Variants in CORIN observed in about 807,000 individuals in gnomAD.
CORIN encodes corin, serine peptidase.
In CORIN, 117 loss-of-function variants were observed where a neutral mutation model predicts 125.3. The observed-to-expected ratio is 0.93, with a 90% CI of 0.80 to 1.09. The LOEUF (loss-of-function observed/expected upper bound fraction) is 1.09, where lower values mean the gene tolerates loss of function less well. Ranked by LOEUF, CORIN falls within the 50% of genes least tolerant of loss-of-function variation. The pLI is 0.00. For synonymous variants in CORIN, 450 were observed against 466.4 expected (o/e 0.96, Z 0.45); for missense variants, 1,253 against 1,306.7 (o/e 0.96, Z 0.63).
chr4:47,613,095 C>T (rs963764846), intron 19 of CORIN, among the ~76,000 whole-genome samples: 7 of 152,118 alleles, frequency 4.6e-5, no homozygotes, highest in African/African-American at 1.4e-4. Flanking sequence ...CTGATACTAC[C>T]ATCACAAATA....
At chr4:47,810,248 C>T (rs1261181588) in intron 1 of CORIN, among the ~76,000 whole-genome samples, 1 of 152,028 alleles carries the variant, frequency 6.6e-6, no homozygotes, top group Non-Finnish European at 1.5e-5. Context: ...AGTGCAGTGG[C>T]ATGATCTCGG....
intron 19 of CORIN, among the ~76,000 whole-genome samples, 166 bp from the exon 20 acceptor site, chr4:47,603,834 CAAGT>C (rs1220641241): frequency 2.0e-5 from 3 of 152,144 alleles, no homozygotes; most frequent in Non-Finnish European, 1.5e-5. Context: ...GAGTGATTAG[CAAGT>C]AAGTATTATT....
intron 10 of CORIN, among the ~76,000 whole-genome samples, chr4:47,672,649 C>A (rs114348646): frequency 6.6e-6 from 1 of 151,860 alleles, no homozygotes; most frequent in African/African-American, 2.4e-5. Context: ...TATATACACA[C>A]ATATATACAC....
At chr4:47,724,210 T>C (rs1727485548) in intron 5 of CORIN, among the ~76,000 whole-genome samples, 1 of 151,988 alleles carries the variant, frequency 6.6e-6, no homozygotes, top group Admixed American at 6.6e-5. Context: ...ATAGCAGCTA[T>C]GGAAGCTCAG....
intron 19 of CORIN, among the ~76,000 whole-genome samples, chr4:47,613,315 T>C (rs1262039170): frequency 2.0e-5 from 3 of 152,082 alleles, no homozygotes; most frequent in Non-Finnish European, 4.4e-5. Context: ...TAGCCGAGTG[T>C]GGTGGCACGT....
At position 47,656,452 on chromosome 4, in the gene CORIN, G is replaced by A. The variant is rs150839279; in HGVS notation, c.1736-2792C>T. Among the ~76,000 whole-genome samples the A allele has an allele frequency of 3.0e-4, 46 of 152,152 alleles. No individual in the cohort carries two copies. In the East Asian group the frequency reaches 6.9e-3, roughly 23 times the overall value. ...AAGACAGGCATGAGCCACCGCTCCC[G>A]GTGACCATTTAGGATTTACAGGAGT... On this transcript the variant is annotated intron_variant, in intron 12 of 21. Transcript: ENST00000273857.
intron 19 of CORIN, among the ~76,000 whole-genome samples, chr4:47,612,405 G>A (rs1721905021): frequency 6.6e-6 from 1 of 152,258 alleles, no homozygotes; most frequent in African/African-American, 2.4e-5. Context: ...AGTATCTGTG[G>A]TTTTAAATGC....
intron 5 of CORIN, among the ~76,000 whole-genome samples, chr4:47,709,782 G>A (rs1261255323): frequency 6.6e-6 from 1 of 151,698 alleles, no homozygotes; most frequent in African/African-American, 2.4e-5. Context: ...ATTCTGAATA[G>A]CTGTAAATGG....
chr4:47,785,252 G>A (rs1432971756), intron 3 of CORIN, among the ~76,000 whole-genome samples: 1 of 152,088 alleles, frequency 6.6e-6, no homozygotes, highest in Non-Finnish European at 1.5e-5. Flanking sequence ...TATTAGCATT[G>A]GTTGTATCAC....
At chr4:47,739,837 A>G (rs1410810801) in intron 5 of CORIN, among the ~76,000 whole-genome samples, 2 of 151,920 alleles carry the variant, frequency 1.3e-5, no homozygotes, top group African/African-American at 2.4e-5. Flanking sequence ...CAAAGTGTAG[A>G]TATTGTTGAA....
chr4:47,693,184 A>T, intron 5 of CORIN, 101 bp from the exon 6 acceptor site: 1 of 784,594 alleles, frequency 1.3e-6, no homozygotes, highest in Non-Finnish European at 2.1e-6. Context: ...TTGCTATTCA[A>T]CAGATTTGTT....
chr4:47,726,369 A>C (rs1166483358), intron 5 of CORIN, among the ~76,000 whole-genome samples: 2 of 152,130 alleles, frequency 1.3e-5, no homozygotes, highest in Non-Finnish European at 1.5e-5. Flanking sequence ...ACTAGTAAGC[A>C]TTAAAAATAA....
intron 16 of CORIN, among the ~76,000 whole-genome samples, chr4:47,633,926 T>C (rs1313354797): frequency 6.6e-6 from 1 of 152,184 alleles, no homozygotes; most frequent in Non-Finnish European, 1.5e-5. Flanking sequence ...GTGCATCACT[T>C]TTCACTTCAA....
At chr4:47,828,806 G>A (rs1398512636) in intron 1 of CORIN, among the ~76,000 whole-genome samples, 1 of 152,034 alleles carries the variant, frequency 6.6e-6, no homozygotes, top group Non-Finnish European at 1.5e-5. Context: ...CATGTGCAGT[G>A]TAGCTCATTT....
intron 3 of CORIN, among the ~76,000 whole-genome samples, chr4:47,765,266 G>A (rs896665266): frequency 6.6e-6 from 1 of 151,060 alleles, no homozygotes; most frequent in African/African-American, 2.4e-5. Flanking sequence ...AGCTGAGATC[G>A]CGCCACTGCA....
intron 4 of CORIN, among the ~76,000 whole-genome samples, chr4:47,761,480 T>TACACACACACACAC (rs142904418): frequency 1.9e-4 from 27 of 144,482 alleles, no homozygotes; most frequent in African/African-American, 6.6e-4. Context: ...GAAAATGTGA[T>TACACACACACACAC]ACACACACAC....
rs918494762 is a variant in CORIN, at chr4:47,712,110, C to T, written c.800-19027G>A. Among the ~76,000 whole-genome samples, 29 of 152,258 alleles carry T rather than the reference C, an allele frequency of 1.9e-4. 1 individual carries two copies. The highest frequency in any genetic ancestry group is 1.8e-3 in the Admixed American group (28 of 15,296). On this transcript the variant is annotated intron_variant, in intron 5 of 21. Coordinates refer to ENST00000273857, the MANE Select transcript of CORIN (RefSeq NM_006587.4). ...GATTAATTGAGATAATATATGTTAA[C>T]AATTAAGCATAGCATCTGATACCAA...
chr4:47,754,398 T>C (rs1424302110), intron 4 of CORIN, among the ~76,000 whole-genome samples: 2 of 152,156 alleles, frequency 1.3e-5, no homozygotes, highest in African/African-American at 4.8e-5. Context: ...TTCAGGAAAG[T>C]AAGCAGCAAA....
rs1229754025 is a variant in CORIN, at chr4:47,686,113, G to A, written c.914-2275C>T. Among the ~76,000 whole-genome samples, 4 of 149,540 alleles carry A rather than the reference G, an allele frequency of 2.7e-5. No individual in the cohort carries two copies. The East Asian group carries it at 7.8e-4, about 29-fold the overall frequency. ...ATTGATCAGTTAAAACATTAGGCTT[G>A]CCAAAATATGACACTTACATATACA... On this transcript the variant is annotated intron_variant, in intron 6 of 21. Transcript: ENST00000273857.
Sources: allele counts gnomAD v4.1 joint callset (sites outside exome capture counted in the v4.1 genomes callset), GRCh38; gene constraint gnomAD v4.1.1; transcripts MANE v1.5; gene names NCBI Gene and HGNC (gene_info 2026-07-23, HGNC 2026-07-21).